APOD: variants seen among roughly 807,000 people sequenced by gnomAD.
APOD encodes the protein apolipoprotein D.
APOD carries 22 observed loss-of-function variants against 20.4 expected under a neutral mutation model. That is an observed-to-expected ratio of 1.08 (90% CI 0.77 to 1.54). The LOEUF (loss-of-function observed/expected upper bound fraction) is 1.54, where lower values mean the gene tolerates loss of function less well. Ranked by LOEUF, APOD falls within the 40% of genes most tolerant of loss-of-function variation. The pLI is 0.00. For missense variants in APOD, 223 were observed against 229.6 expected, an observed-to-expected ratio of 0.97 and a Z score of 0.19; for synonymous variants, 97 against 92.4, an observed-to-expected ratio of 1.05 and a Z score of -0.29.
In APOD at chr3:195,579,500, G is replaced by A. The variant is rs761862803; in HGVS notation, c.-34-5C>T. ...GGCTGGAGAAGGGACCTGGAGCTGC[G>A]GGAACGCAAAGCAGCTGGGGTTGTC... On this transcript the variant is annotated splice_region_variant and splice_polypyrimidine_tract_variant and intron_variant, in intron 1 of 4. Coordinates refer to ENST00000343267, the MANE Select transcript of APOD (RefSeq NM_001647.4). 10 of 1,605,500 alleles carry A rather than the reference G, an allele frequency of 6.2e-6. No homozygotes were observed. The highest frequency in any genetic ancestry group is 2.2e-5 in the South Asian group (2 of 91,004).
intron 4 of APOD, 70 bp from the exon 5 acceptor site, chr3:195,569,205 G>C (rs567619795): frequency 2.1e-6 from 3 of 1,400,260 alleles, no homozygotes; most frequent in Middle Eastern, 3.7e-4. Context: ...ACACAAGAAG[G>C]CTGGCCCAGA....
intron 3 of APOD, among the ~76,000 whole-genome samples, chr3:195,573,637 CA>C (rs1241595647): frequency 2.0e-5 from 3 of 152,232 alleles, no homozygotes; most frequent in Non-Finnish European, 4.4e-5. Flanking sequence ...GGAACCCTGT[CA>C]GTTTGTGCCC....
intron 2 of APOD, among the ~76,000 whole-genome samples, chr3:195,574,412 G>A (rs141480068): frequency 2.0e-5 from 3 of 152,294 alleles, no homozygotes; most frequent in Admixed American, 6.5e-5. Flanking sequence ...GCTTTGGAGA[G>A]GTGGTGGGGA....
chr3:195,573,769 C>G (rs1388831140), intron 3 of APOD, 81 bp downstream of exon 3: 84 of 1,551,288 alleles, frequency 5.4e-5, no homozygotes, highest in Non-Finnish European at 7.3e-5. Flanking sequence ...TTCCCATCCT[C>G]CCTGACCCAG....
chr3:195,572,828 C>A (rs187656685), intron 3 of APOD, among the ~76,000 whole-genome samples: 1 of 150,784 alleles, frequency 6.6e-6, no homozygotes, highest in South Asian at 2.1e-4. Flanking sequence ...CTGGCCAACA[C>A]AGTGAAACCC....
intron 1 of APOD, among the ~76,000 whole-genome samples, chr3:195,581,791 A>G (rs1425962044): frequency 6.6e-6 from 1 of 152,130 alleles, no homozygotes; most frequent in Non-Finnish European, 1.5e-5. Flanking sequence ...CAGATTCTTT[A>G]CCTCAGTAGG....
intron 2 of APOD, among the ~76,000 whole-genome samples, chr3:195,575,046 G>C (rs1720226679): frequency 6.6e-6 from 1 of 152,212 alleles, no homozygotes; most frequent in African/African-American, 2.4e-5. Flanking sequence ...GGTCTCACTG[G>C]GCTGAACTCA....
chr3:195,583,537 T>G (rs1720376268), intron 1 of APOD, among the ~76,000 whole-genome samples: 1 of 152,208 alleles, frequency 6.6e-6, no homozygotes, highest in Non-Finnish European at 1.5e-5. Flanking sequence ...GACAGCTTGC[T>G]GAGAATTCAC....
chr3:195,574,544 C>CT lies in APOD; in HGVS notation c.124-574dup, dbSNP rs1720219491. Among the ~76,000 whole-genome samples, 4 of 152,174 alleles carry CT rather than the reference C, an allele frequency of 2.6e-5. No homozygotes were observed. In the South Asian group the frequency reaches 8.3e-4, roughly 32 times the overall value. ...GGAAGGTCGAGGGAACCAGGCCCTC[C>CT]TAGGCTGCCTGGCACGCGTTGCAGG... is the stretch of plus-strand genomic sequence containing the variant. On this transcript the variant is annotated intron_variant, in intron 2 of 4. Coordinates refer to ENST00000343267, the MANE Select transcript of APOD (RefSeq NM_001647.4).
At chr3:195,579,145 G>C (rs780060652) in intron 2 of APOD, among the ~76,000 whole-genome samples, 194 bp downstream of exon 2, 1 of 152,164 alleles carries the variant, frequency 6.6e-6, no homozygotes, top group Admixed American at 6.5e-5. Flanking sequence ...GCTCTCGTGC[G>C]TCCCGGGATC....
intron 1 of APOD, among the ~76,000 whole-genome samples, chr3:195,580,092 A>T (rs2898563): frequency 0.082 from 12,449 of 152,078 alleles, 1,400 homozygotes; most frequent in African/African-American, 0.25. Flanking sequence ...CTCCAGGGTC[A>T]CCCCAGCCAG....
At chr3:195,573,617 A>T (rs1405728582) in intron 3 of APOD, among the ~76,000 whole-genome samples, 1 of 152,204 alleles carries the variant, frequency 6.6e-6, no homozygotes, top group Non-Finnish European at 1.5e-5. Flanking sequence ...TCTATTTTGC[A>T]GTGAGTGCAG....
chr3:195,572,656 T>A (rs1720180716), intron 3 of APOD, among the ~76,000 whole-genome samples: 1 of 152,082 alleles, frequency 6.6e-6, no homozygotes, highest in Non-Finnish European at 1.5e-5. Context: ...GATGTCTGTT[T>A]ATCAATCCTC....
At chr3:195,575,511 T>C (rs1167213761) in intron 2 of APOD, among the ~76,000 whole-genome samples, 1 of 152,242 alleles carries the variant, frequency 6.6e-6, no homozygotes, top group Non-Finnish European at 1.5e-5. Context: ...TTTTTACTAG[T>C]TGCTACTGGG....
At position 195,569,786 on chromosome 3, in the gene APOD, G is replaced by GTT. The variant is rs543541862; in HGVS notation, c.335-653_335-652dup. On this transcript the variant is annotated intron_variant, in intron 4 of 4. Transcript: ENST00000343267. Reference sequence around the variant, plus strand: ...CTTTATTCAGGCCTTCTTCTTCTTCGTTTTTTTTTTTTTTTTTTTTTTTTT... The same window carrying GTT: ...CTTTATTCAGGCCTTCTTCTTCTTCGTTTTTTTTTTTTTTTTTTTTTTTTTTT... Among the ~76,000 whole-genome samples, 296 of 54,036 alleles carry GTT rather than the reference G, an allele frequency of 5.5e-3. 64 individuals are homozygous for GTT. The highest frequency in any genetic ancestry group is 0.021 in the African/African-American group (253 of 11,934). 35.4% of individuals were successfully genotyped at this position (54,036 alleles called of 152,430 possible). A position where few individuals can be genotyped will look rare whatever the true frequency, so the allele number is the denominator to read the frequency against.
chr3:195,578,711 G>T (rs1720287155), intron 2 of APOD, among the ~76,000 whole-genome samples: 1 of 152,130 alleles, frequency 6.6e-6, no homozygotes, highest in Non-Finnish European at 1.5e-5. Flanking sequence ...GTGACCTTTG[G>T]GTGCCCTGCA....
At chr3:195,573,777 C>T (rs1006144435) in intron 3 of APOD, 73 bp downstream of exon 3, 1 of 1,566,014 alleles carries the variant, frequency 6.4e-7, no homozygotes, top group Non-Finnish European at 8.7e-7. Flanking sequence ...CTCCCTGACC[C>T]AGGCTGCCGG....
chr3:195,573,771 C>G lies in APOD; in HGVS notation c.245+79G>C, dbSNP rs554617380. ...CGATCCAGCAAGGTTCCCATCCTCC[C>G]TGACCCAGGCTGCCGGACACCCAGT... On this transcript the variant is annotated intron_variant, in intron 3 of 4. Transcript: ENST00000343267. 9.6e-6 allele frequency: 15 copies of G among 1,556,468 alleles called. No homozygotes were observed. In the Admixed American group the frequency reaches 2.2e-4, roughly 23 times the overall value.
Position 195,583,908 on chromosome 3 carries a change from A to T in APOD, c.-65T>A, listed in dbSNP as rs966977600. 1.3e-5 allele frequency: 2 copies of T among 152,182 alleles called. No individual in the cohort carries two copies. Among genetic ancestry groups the T allele is most frequent in the Non-Finnish European group, 2.9e-5 (2 of 68,042 alleles). The allele number at this position is 152,182 out of a possible 1,614,324, so 9.4% of individuals were successfully genotyped here. A position where few individuals can be genotyped will look rare whatever the true frequency, so the allele number is the denominator to read the frequency against. ...CTTTCAAGATGAAGGCAGTTTCCAG[A>T]TGCAGAATCAGCCGATTTGAGATGC... On this transcript the variant is annotated 5_prime_UTR_variant, in exon 1 of 5. Coordinates refer to ENST00000343267, the MANE Select transcript of APOD (RefSeq NM_001647.4).
Sources: gnomAD v4.1 joint callset for allele counts (sites outside exome capture counted in the v4.1 genomes callset) on GRCh38, gnomAD v4.1.1 for gene constraint, MANE v1.5 for transcripts, NCBI Gene and HGNC (gene_info 2026-07-23, HGNC 2026-07-21) for gene names.